The following SPAST variants were observed in gnomAD, a reference collection of about 807,000 sequenced individuals.
SPAST encodes the protein spastic paraplegia 4 (autosomal dominant; spastin).
A neutral mutation model predicts 76.6 loss-of-function variants in SPAST; 30 were observed. The observed-to-expected ratio is 0.39, with a 90% CI of 0.29 to 0.53. SPAST has a LOEUF of 0.53. Among genes scored for constraint, SPAST ranks in the 20% least tolerant of loss-of-function variants. The probability of loss-of-function intolerance (pLI) is 0.68; values close to 1 mark genes in which losing one functional copy is unlikely to be tolerated. For synonymous variants in SPAST, 305 were observed against 281.0 expected, an observed-to-expected ratio of 1.09 and a Z score of -0.86; for missense variants, 717 against 770.5, an observed-to-expected ratio of 0.93 and a Z score of 0.82.
intron 4 of SPAST, among the ~76,000 whole-genome samples, chr2:32,106,171 C>A (rs143421147): frequency 2.0e-5 from 3 of 152,318 alleles, no homozygotes; most frequent in African/African-American, 7.2e-5. Flanking sequence ...CAGATGCCCC[C>A]GCCTCCAGCC....
At chr2:32,084,331 G>GT (rs1467195628) in intron 1 of SPAST, among the ~76,000 whole-genome samples, 2 of 150,538 alleles carry the variant, frequency 1.3e-5, no homozygotes, top group African/African-American at 2.4e-5. Context: ...TGGCTAATTT[G>GT]TTTTTTGTAT....
chr2:32,116,855 C>T (rs1296551547), intron 7 of SPAST, among the ~76,000 whole-genome samples: 3 of 152,114 alleles, frequency 2.0e-5, no homozygotes, highest in African/African-American at 7.2e-5. Context: ...GTAGTCCCAA[C>T]TACTGGGGAG....
Position 32,154,486 on chromosome 2 carries a change from C to G in SPAST, c.1841C>G (p.Thr614Ser). The change falls in exon 17 of 17, where the codon ACC becomes AGC. Residue 614 changes from threonine to serine, a missense_variant. Thr to Ser is a moderately conservative substitution (Grantham distance 58). Transcript: ENST00000315285. ...CGTTGGAACAAGGACTTTGGAGATA[C>G]CACTGTTTAAGGAAATACCTTTGTA... ...YIRWNKDFGDTTV is the reference protein window; with the variant it reads ...YIRWNKDFGDSTV The G allele has an allele frequency of 1.2e-6, 2 of 1,612,538 alleles. No individual in the cohort carries two copies. Among genetic ancestry groups the G allele is most frequent in the Non-Finnish European group, 1.7e-6 (2 of 1,178,882 alleles).
intron 1 of SPAST, among the ~76,000 whole-genome samples, chr2:32,083,565 T>A (rs1452124088): frequency 6.7e-6 from 1 of 150,300 alleles, no homozygotes; most frequent in Non-Finnish European, 1.5e-5. Flanking sequence ...TGTACTTCCC[T>A]AACAACTAAT....
chr2:32,114,064 C>G (rs865880919), intron 4 of SPAST, among the ~76,000 whole-genome samples: 1 of 152,212 alleles, frequency 6.6e-6, no homozygotes, highest in African/African-American at 2.4e-5. Context: ...CTGCCTCAGC[C>G]TCCCAGGTAG....
chr2:32,077,306 A>T (rs910363282), intron 1 of SPAST, among the ~76,000 whole-genome samples: 7 of 152,228 alleles, frequency 4.6e-5, no homozygotes, highest in Non-Finnish European at 1.0e-4. Flanking sequence ...GATTAAATAG[A>T]TAAGTAAAAC....
At chr2:32,140,243 T>C (rs540839894) in intron 12 of SPAST, among the ~76,000 whole-genome samples, 5 of 152,346 alleles carry the variant, frequency 3.3e-5, no homozygotes, top group African/African-American at 1.2e-4. Context: ...GTAACTCTTC[T>C]TTCCTTGGTG....
At chr2:32,131,711 G>A (rs1679374930) in intron 9 of SPAST, among the ~76,000 whole-genome samples, 1 of 117,990 alleles carries the variant, frequency 8.5e-6, no homozygotes, top group Non-Finnish European at 1.6e-5. Flanking sequence ...GTCTTGCTCT[G>A]GAGTGCAGTG....
intron 1 of SPAST, among the ~76,000 whole-genome samples, chr2:32,086,768 G>T: frequency 6.6e-6 from 1 of 150,984 alleles, no homozygotes; most frequent in Middle Eastern, 3.4e-3. Context: ...AAAAAAAAAA[G>T]AAAAAAAGTC....
At chr2:32,070,352 C>T (rs577321247) in intron 1 of SPAST, among the ~76,000 whole-genome samples, 1 of 151,932 alleles carries the variant, frequency 6.6e-6, no homozygotes, top group Non-Finnish European at 1.5e-5. Context: ...ACAGGTATGA[C>T]CCACTGCACC....
intron 7 of SPAST, among the ~76,000 whole-genome samples, chr2:32,122,050 A>C (rs937639529): frequency 6.6e-6 from 1 of 152,048 alleles, no homozygotes; most frequent in African/African-American, 2.4e-5. Flanking sequence ...GTTGATTAGG[A>C]CTCTGTGCTG....
At position 32,157,495 on chromosome 2, in the gene SPAST, T is replaced by C. The variant is rs1680290404; in HGVS notation, c.*2999T>C. ...CCATTTACAGTTCGGTTTTGGACTC[T>C]GAGTCAAAGGATTTTCCTTTAAATG... On this transcript the variant is annotated 3_prime_UTR_variant, in exon 17 of 17. Coordinates refer to ENST00000315285, the MANE Select transcript of SPAST (RefSeq NM_014946.4). The C allele has an allele frequency of 6.6e-6, 1 of 152,650 alleles. No homozygotes were observed. The highest frequency in any genetic ancestry group is 1.5e-5 in the Non-Finnish European group (1 of 68,026). 9.5% of individuals were successfully genotyped at this position (152,650 alleles called of 1,614,324 possible).
At position 32,154,352 on chromosome 2, in the gene SPAST, CA is replaced by C. The variant is rs1354258203; in HGVS notation, c.1729-21del. ...TATACCTGTTGATCATTTGTATTGT[CA>C]TGTGCTTTTTAAAAATCTAGATGAG... On this transcript the variant is annotated intron_variant, in intron 16 of 16. Transcript: ENST00000315285. The C allele has an allele frequency of 1.9e-6, 3 of 1,604,856 alleles. No homozygotes were observed. In the South Asian group the frequency reaches 3.3e-5, roughly 18 times the overall value.
intron 4 of SPAST, among the ~76,000 whole-genome samples, 193 bp from the exon 5 acceptor site, chr2:32,114,445 C>A (rs555927399): frequency 1.2e-4 from 19 of 152,194 alleles, no homozygotes; most frequent in Admixed American, 9.8e-4. Flanking sequence ...GGGGAAAAAA[C>A]CTAATAACCA....
At position 32,063,615 on chromosome 2, in the gene SPAST, C is replaced by G. The variant is rs949335216; in HGVS notation, c.-217C>G. The G allele has an allele frequency of 1.7e-6, 1 of 590,608 alleles. No homozygotes were observed. The highest frequency in any genetic ancestry group is 2.9e-6 in the Non-Finnish European group (1 of 347,016). 36.6% of individuals were successfully genotyped at this position (590,608 alleles called of 1,614,324 possible). Reference sequence around the variant, plus strand: ...GGACAGCGACAGGAAGGGAGGGGCCCGAGCCACCGACTGCAGGAGGAGAAG... The same window carrying G: ...GGACAGCGACAGGAAGGGAGGGGCCGGAGCCACCGACTGCAGGAGGAGAAG... On this transcript the variant is annotated 5_prime_UTR_variant, in exon 1 of 17. Coordinates refer to ENST00000315285, the MANE Select transcript of SPAST (RefSeq NM_014946.4).
chr2:32,067,388 G>T (rs951330252), intron 1 of SPAST, among the ~76,000 whole-genome samples: 5 of 152,036 alleles, frequency 3.3e-5, no homozygotes, highest in Non-Finnish European at 7.4e-5. Flanking sequence ...TAACACTGTT[G>T]GTTGATGGGA....
chr2:32,071,545 A>G (rs997260980), intron 1 of SPAST, among the ~76,000 whole-genome samples: 2 of 152,218 alleles, frequency 1.3e-5, no homozygotes, highest in South Asian at 2.1e-4. Context: ...TACTAAGAAC[A>G]TCTGTCCAAG....
chr2:32,109,387 G>C (rs1235612665), intron 4 of SPAST, among the ~76,000 whole-genome samples: 1 of 152,080 alleles, frequency 6.6e-6, no homozygotes, highest in African/African-American at 2.4e-5. Context: ...GGGATTACAG[G>C]TGTGAGCCAC....
At chr2:32,079,922 C>T (rs990635951) in intron 1 of SPAST, among the ~76,000 whole-genome samples, 9 of 152,076 alleles carry the variant, frequency 5.9e-5, no homozygotes, top group South Asian at 2.1e-4. Flanking sequence ...GTTTAAGTCC[C>T]GGCTTTCAAT....
Sources: allele counts gnomAD v4.1 joint callset (sites outside exome capture counted in the v4.1 genomes callset), GRCh38; gene constraint gnomAD v4.1.1; transcripts MANE v1.5; gene names NCBI Gene and HGNC (gene_info 2026-07-23, HGNC 2026-07-21).